The following ABLIM1 variants were observed in gnomAD, a reference collection of about 807,000 sequenced individuals.
The protein encoded by ABLIM1 is actin binding LIM protein 1.
In ABLIM1, 40 loss-of-function variants were observed where a neutral mutation model predicts 107.0. The observed-to-expected ratio is 0.37, with a 90% CI of 0.29 to 0.49. ABLIM1 has a LOEUF of 0.49. ABLIM1 is among the 20% of genes least tolerant of loss of function. The probability of loss-of-function intolerance (pLI) is 0.97; values close to 1 mark genes in which losing one functional copy is unlikely to be tolerated. For synonymous variants in ABLIM1, 357 were observed against 357.3 expected (o/e 1.00, Z 0.01); for missense variants, 857 against 1,008.5 (o/e 0.85, Z 2.04).
At chr10:114,534,206 C>T (rs895447812) in intron 6 of ABLIM1, among the ~76,000 whole-genome samples, 1 of 152,090 alleles carries the variant, frequency 6.6e-6, no homozygotes, top group African/African-American at 2.4e-5. Context: ...TGGGAGGGAA[C>T]AGCAGGAAGG....
intron 10 of ABLIM1, among the ~76,000 whole-genome samples, chr10:114,472,276 G>C (rs1462338179): frequency 6.6e-6 from 1 of 151,898 alleles, no homozygotes; most frequent in Non-Finnish European, 1.5e-5. Flanking sequence ...AATATATATA[G>C]ATGAGGTCTC....
intron 21 of ABLIM1, among the ~76,000 whole-genome samples, chr10:114,438,248 G>GT (rs965689373): frequency 6.6e-6 from 1 of 152,082 alleles, no homozygotes; most frequent in African/African-American, 2.4e-5. Context: ...ACAGGCACGT[G>GT]TTTTTTGTTT....
chr10:114,645,817 C>T (rs1291484199), intron 1 of ABLIM1, among the ~76,000 whole-genome samples: 1 of 152,030 alleles, frequency 6.6e-6, no homozygotes, highest in African/African-American at 2.4e-5. Context: ...TAAATATGCC[C>T]CCAAAATGTC....
chr10:114,657,200 C>T (rs12570718), intron 1 of ABLIM1, among the ~76,000 whole-genome samples: 48,087 of 152,096 alleles, frequency 0.32, 8,668 homozygotes, highest in Non-Finnish European at 0.42. Flanking sequence ...TGCTTCCTGG[C>T]TTATTTGACT....
At chr10:114,662,728 A>T (rs1209922515), upstream of ABLIM1, among the ~76,000 whole-genome samples, 3 of 152,208 alleles carry the variant, frequency 2.0e-5, no homozygotes, top group Non-Finnish European at 4.4e-5. Context: ...TATCTTCTCC[A>T]TTAATAATTC....
At chr10:114,615,624 A>G in intron 1 of ABLIM1, 1 of 451,558 alleles carries the variant, frequency 2.2e-6, no homozygotes, top group South Asian at 1.6e-5. Flanking sequence ...CATGTTCAAT[A>G]TGTTCATGTT....
chr10:114,632,965 A>T (rs2078278602), intron 1 of ABLIM1, among the ~76,000 whole-genome samples: 1 of 152,146 alleles, frequency 6.6e-6, no homozygotes, highest in Non-Finnish European at 1.5e-5. Context: ...CTGTGAGCTG[A>T]GGACTTCTGG....
chr10:114,641,056 C>T (rs2078723891), intron 1 of ABLIM1, among the ~76,000 whole-genome samples: 2 of 151,756 alleles, frequency 1.3e-5, no homozygotes, highest in South Asian at 4.2e-4. Context: ...CTCATCAATT[C>T]ACAATAAAAC....
intron 12 of ABLIM1, 37 bp from the exon 13 acceptor site, chr10:114,453,520 A>T: frequency 6.8e-7 from 1 of 1,464,484 alleles, no homozygotes; most frequent in Non-Finnish European, 9.2e-7. Context: ...AAATGAGAGA[A>T]GGGAGAGAGA....
At chr10:114,744,314 T>G (rs1444765017) in intron 1 of ABLIM1, among the ~76,000 whole-genome samples, 1 of 152,142 alleles carries the variant, frequency 6.6e-6, no homozygotes, top group African/African-American at 2.4e-5. Context: ...CCTCTAAACT[T>G]TACAGCAGTG....
intron 4 of ABLIM1, among the ~76,000 whole-genome samples, chr10:114,550,391 A>G (rs1031415779): frequency 1.3e-5 from 2 of 152,148 alleles, no homozygotes; most frequent in Non-Finnish European, 2.9e-5. Flanking sequence ...TTTTTTAAAA[A>G]AAAGACTACT....
At chr10:114,490,182 G>A (rs1191052529) in intron 7 of ABLIM1, among the ~76,000 whole-genome samples, 1 of 152,328 alleles carries the variant, frequency 6.6e-6, no homozygotes, top group East Asian at 1.9e-4. Context: ...TGTAAGGCCT[G>A]TTGTCCTTGG....
intron 8 of ABLIM1, among the ~76,000 whole-genome samples, chr10:114,478,563 C>T (rs943739667): frequency 6.6e-6 from 1 of 152,212 alleles, no homozygotes; most frequent in African/African-American, 2.4e-5. Flanking sequence ...GTTTTTACTG[C>T]ATTCACATGC....
chr10:114,697,428 T>C (rs968566386), intron 1 of ABLIM1, among the ~76,000 whole-genome samples: 2 of 152,224 alleles, frequency 1.3e-5, no homozygotes, highest in African/African-American at 4.8e-5. Flanking sequence ...AAGCAGCTGA[T>C]CTGCCCAGCA....
intron 1 of ABLIM1, among the ~76,000 whole-genome samples, chr10:114,721,622 C>T (rs1279730004): frequency 6.6e-6 from 1 of 152,048 alleles, no homozygotes; most frequent in Non-Finnish European, 1.5e-5. Flanking sequence ...GCTGAGATTA[C>T]AGGCATGCAC....
rs577225641 is a variant in ABLIM1 at position 114,631,799 on chromosome 10, T to C, written c.244+26158A>G. 595 of 1,206,868 alleles carry C rather than the reference T, an allele frequency of 4.9e-4. 1 individual carries two copies. The highest frequency in any genetic ancestry group is 1.1e-3 in the Middle Eastern group (5 of 4,394). The allele number at this position is 1,206,868 out of a possible 1,614,324, so 74.8% of individuals were successfully genotyped here. ...TACGGAGCTTCTCACACCGAGAACA[T>C]GTCCGCCCGGCTTTCGATTGATCAT... On this transcript the variant is annotated intron_variant, in intron 1 of 22. Coordinates refer to ENST00000533213, the MANE Select transcript of ABLIM1 (RefSeq NM_002313.7).
chr10:114,483,908 A>C (rs2057772923), intron 8 of ABLIM1, among the ~76,000 whole-genome samples: 1 of 152,118 alleles, frequency 6.6e-6, no homozygotes, highest in African/African-American at 2.4e-5. Flanking sequence ...GAGACCCCTA[A>C]AGACGGTCAG....
In ABLIM1 at chr10:114,436,195, A is replaced by G; in HGVS notation, c.*65T>C. ...ATTCTCCAATCAAGTTTGGGCCTCA[A>G]TATGACATCCTATGGGGCACCGCCA... On this transcript the variant is annotated 3_prime_UTR_variant, in exon 23 of 23. Coordinates refer to ENST00000533213, the MANE Select transcript of ABLIM1 (RefSeq NM_002313.7). 1 of 1,341,888 alleles carries G rather than the reference A, an allele frequency of 7.5e-7. No homozygotes were observed. The highest frequency in any genetic ancestry group is 1.1e-6 in the Non-Finnish European group (1 of 952,242). 83.1% of individuals were successfully genotyped at this position (1,341,888 alleles called of 1,614,324 possible).
At chr10:114,523,438 A>T (rs557005974) in intron 6 of ABLIM1, among the ~76,000 whole-genome samples, 1 of 152,244 alleles carries the variant, frequency 6.6e-6, no homozygotes, top group East Asian at 1.9e-4. Flanking sequence ...AGCTCTTTCA[A>T]CTGGCGAGTT....
Sources: allele counts gnomAD v4.1 joint callset (sites outside exome capture counted in the v4.1 genomes callset), GRCh38; gene constraint gnomAD v4.1.1; transcripts MANE v1.5; gene names NCBI Gene and HGNC (gene_info 2026-07-23, HGNC 2026-07-21).